Variants in RASA1 observed in about 807,000 individuals in gnomAD.
RASA1 encodes ras GTPase-activating protein 1.
RASA1 carries 25 observed loss-of-function variants against 132.2 expected under a neutral mutation model. The ratio of observed to expected loss-of-function variants is 0.19; its 90% CI spans 0.14 to 0.26. RASA1 has a LOEUF of 0.26. Among genes scored for constraint, RASA1 ranks in the 10% least tolerant of loss-of-function variants. The pLI, the probability that RASA1 is intolerant of heterozygous loss-of-function variation, is 1.00. For synonymous variants in RASA1, 477 were observed against 449.9 expected (o/e 1.06, Z -0.76); for missense variants, 964 against 1,299.2 (o/e 0.74, Z 3.97).
intron 6 of RASA1, among the ~76,000 whole-genome samples, chr5:87,343,949 G>A (rs1758660934): frequency 6.6e-6 from 1 of 152,186 alleles, no homozygotes; most frequent in African/African-American, 2.4e-5. Flanking sequence ...ACCATGTTAA[G>A]TGAAATAAGC....
At chr5:87,340,920 T>G (rs527528707) in intron 5 of RASA1, among the ~76,000 whole-genome samples, 1 of 152,218 alleles carries the variant, frequency 6.6e-6, no homozygotes, top group South Asian at 2.1e-4. Context: ...GGTAAACGAC[T>G]TCAGTTGCAG....
chr5:87,307,253 A>G lies in RASA1; in HGVS notation c.540-24095A>G, dbSNP rs114804657. Among the ~76,000 whole-genome samples, 1,252 of 152,240 alleles carry G rather than the reference A, an allele frequency of 8.2e-3. 22 individuals carry two copies. Among genetic ancestry groups the G allele is most frequent in the African/African-American group, 0.028 (1,174 of 41,524 alleles). On this transcript the variant is annotated intron_variant, in intron 1 of 24. Transcript: ENST00000274376. ...CTTTTTTTCTGCATTACGGTTTGAC[A>G]GGTATAACTTTTCTGTATTTTCTGT... is the stretch of plus-strand genomic sequence containing the variant.
At position 87,357,964 on chromosome 5, in the gene RASA1, A is replaced by G. The variant is rs77280223; in HGVS notation, c.1333-4587A>G. ...TGCTATTTGTAGTCTATTATTTTGG[A>G]GCATGGGGTGATGAAAAGTTGGTTT... On this transcript the variant is annotated intron_variant, in intron 9 of 24. Coordinates refer to ENST00000274376, the MANE Select transcript of RASA1 (RefSeq NM_002890.3). Among the ~76,000 whole-genome samples, 535 of 152,314 alleles carry G rather than the reference A, an allele frequency of 3.5e-3. 3 individuals are homozygous for G. Among genetic ancestry groups the G allele is most frequent in the Non-Finnish European group, 5.0e-3 (340 of 68,022 alleles).
intron 1 of RASA1, among the ~76,000 whole-genome samples, chr5:87,328,568 G>A (rs1420724443): frequency 6.6e-6 from 1 of 152,038 alleles, no homozygotes; most frequent in Non-Finnish European, 1.5e-5. Context: ...TTATATCTTT[G>A]TTATTGAGAG....
At chr5:87,304,747 C>T (rs994626982) in intron 1 of RASA1, among the ~76,000 whole-genome samples, 5 of 152,136 alleles carry the variant, frequency 3.3e-5, no homozygotes, top group African/African-American at 1.2e-4. Flanking sequence ...GGATTGTAGG[C>T]ATTAGCCATC....
At position 87,268,425 on chromosome 5, in the gene RASA1, G is replaced by T; in HGVS notation, c.-27G>T. On this transcript the variant is annotated 5_prime_UTR_variant, in exon 1 of 25. Transcript: ENST00000274376. Reference sequence around the variant, plus strand: ...CCCCTGGGGCTCCCGGGCGGGCAGGGTAGGGCAGAGTAGAGCGGGCTTCAA... The same window carrying T: ...CCCCTGGGGCTCCCGGGCGGGCAGGTTAGGGCAGAGTAGAGCGGGCTTCAA... 4 of 1,525,254 alleles carry T rather than the reference G, an allele frequency of 2.6e-6. No homozygotes were observed. Among genetic ancestry groups the T allele is most frequent in the Non-Finnish European group, 3.5e-6 (4 of 1,133,134 alleles). 94.5% of individuals were successfully genotyped at this position (1,525,254 alleles called of 1,614,324 possible). A position where few individuals can be genotyped will look rare whatever the true frequency, so the allele number is the denominator to read the frequency against.
chr5:87,337,949 A>T, intron 4 of RASA1, 25 bp from the exon 5 acceptor site: 1 of 1,581,972 alleles, frequency 6.3e-7, no homozygotes, highest in Non-Finnish European at 8.6e-7. Context: ...TTTAAATTTA[A>T]TAACTTTAAA....
At chr5:87,385,445 A>C in intron 22 of RASA1, 56 bp downstream of exon 22, 1 of 1,319,926 alleles carries the variant, frequency 7.6e-7, no homozygotes, top group Non-Finnish European at 1.1e-6. Context: ...TTGACATGAT[A>C]AAACCATAAA....
chr5:87,359,251 C>A (rs896132717), intron 9 of RASA1, among the ~76,000 whole-genome samples: 7 of 152,136 alleles, frequency 4.6e-5, no homozygotes, highest in African/African-American at 1.4e-4. Context: ...CATGTAACTT[C>A]TAGGGAAGAG....
chr5:87,383,613 C>A, intron 20 of RASA1, 100 bp from the exon 21 acceptor site: 1 of 870,494 alleles, frequency 1.1e-6, no homozygotes, highest in Non-Finnish European at 1.8e-6. Context: ...TTTATGGGTT[C>A]TATGAGTACT....
chr5:87,348,536 G>C (rs1285133501), intron 7 of RASA1, among the ~76,000 whole-genome samples: 1 of 151,906 alleles, frequency 6.6e-6, no homozygotes, highest in Non-Finnish European at 1.5e-5. Flanking sequence ...AAAATATAGT[G>C]TATGTGTATT....
intron 15 of RASA1, among the ~76,000 whole-genome samples, chr5:87,375,887 G>T (rs1236452811): frequency 6.6e-6 from 1 of 152,056 alleles, no homozygotes; most frequent in Non-Finnish European, 1.5e-5. Context: ...TTACTTTTAC[G>T]ATAAAATCCA....
intron 1 of RASA1, among the ~76,000 whole-genome samples, chr5:87,276,387 ATTG>A (rs201263897): frequency 0.011 from 1,737 of 152,328 alleles, 14 homozygotes; most frequent in Middle Eastern, 0.027. Flanking sequence ...TGCGTTAAAA[ATTG>A]TTGTTATTAG....
intron 9 of RASA1, 65 bp from the exon 10 acceptor site, chr5:87,362,486 T>C (rs1371679174): frequency 6.7e-7 from 1 of 1,502,042 alleles, no homozygotes; most frequent in Non-Finnish European, 9.2e-7. Flanking sequence ...TTGGTACTTT[T>C]ATAGATTTTT....
At chr5:87,341,980 C>G (rs763322308) in intron 6 of RASA1, among the ~76,000 whole-genome samples, 2 of 152,048 alleles carry the variant, frequency 1.3e-5, no homozygotes, top group Non-Finnish European at 2.9e-5. Context: ...TTGCAGTCAC[C>G]TTGTTTAATG....
chr5:87,326,407 T>A (rs1175382919), intron 1 of RASA1, among the ~76,000 whole-genome samples: 34 of 152,202 alleles, frequency 2.2e-4, no homozygotes, highest in Admixed American at 2.2e-3. Context: ...AATTGATTTG[T>A]ATTTCTAAAA....
At chr5:87,308,033 C>G (rs1755701639) in intron 1 of RASA1, among the ~76,000 whole-genome samples, 1 of 152,090 alleles carries the variant, frequency 6.6e-6, no homozygotes, top group African/African-American at 2.4e-5. Context: ...TGTGTAGCTT[C>G]ACAATTCAGT....
intron 11 of RASA1, among the ~76,000 whole-genome samples, chr5:87,367,839 A>G (rs1018016850): frequency 6.6e-6 from 1 of 152,022 alleles, no homozygotes; most frequent in South Asian, 2.1e-4. Context: ...TGTCATTCAA[A>G]TTGTTTCTGT....
chr5:87,288,185 T>C (rs1300055861), intron 1 of RASA1, among the ~76,000 whole-genome samples: 2 of 149,178 alleles, frequency 1.3e-5, no homozygotes, highest in East Asian at 3.9e-4. Context: ...TATATATATA[T>C]ATACCATATA....
Sources: allele counts gnomAD v4.1 joint callset (sites outside exome capture counted in the v4.1 genomes callset), GRCh38; gene constraint gnomAD v4.1.1; transcripts MANE v1.5; gene names NCBI Gene and HGNC (gene_info 2026-07-23, HGNC 2026-07-21).